OXNAD1: variants seen among roughly 807,000 people sequenced by gnomAD.
The protein encoded by OXNAD1 is oxidoreductase NAD binding domain containing 1, also known as oxidoreductase NAD-binding domain-containing protein 1.
In OXNAD1, 34 loss-of-function variants were observed where a neutral mutation model predicts 32.9. That is an observed-to-expected ratio of 1.03 (90% CI 0.79 to 1.38). OXNAD1 has a LOEUF of 1.38. Among genes scored for constraint, OXNAD1 ranks in the 40% most tolerant of loss-of-function variants. OXNAD1 has a pLI of 0.00. For synonymous variants in OXNAD1, 134 were observed against 135.2 expected, an observed-to-expected ratio of 0.99 and a Z score of 0.06; for missense variants, 407 against 379.4, an observed-to-expected ratio of 1.07 and a Z score of -0.60.
chr3:16,286,646 G>A (rs1267001103), intron 5 of OXNAD1, among the ~76,000 whole-genome samples, 198 bp downstream of exon 5: 1 of 152,194 alleles, frequency 6.6e-6, no homozygotes, highest in East Asian at 1.9e-4. Context: ...TGGGTTTTGA[G>A]CCCGTGGCTC....
Position 16,270,996 on chromosome 3 carries a change from C to A in OXNAD1, c.44C>A (p.Ser15Tyr), listed in dbSNP as rs771247111. 1 of 1,614,058 alleles carries A rather than the reference C, an allele frequency of 6.2e-7. No homozygotes were observed. The highest frequency in any genetic ancestry group is 1.3e-5 in the African/African-American group (1 of 74,926). Reference protein sequence around the residue: ...AVMIPGLLRCSVGAIRIEAAS... With the variant: ...AVMIPGLLRCYVGAIRIEAAS... ...ATGATTCCTGGGTTGTTGCGGTGCT[C>A]TGTTGGAGCCATCCGTATTGAGGCT... Residue 15 changes from serine (S) to tyrosine (Y), a missense_variant, in exon 3 of 9, where the codon TCT becomes TAT. Coordinates refer to ENST00000285083, the MANE Select transcript of OXNAD1 (RefSeq NM_138381.5).
In OXNAD1 at chr3:16,304,462, G is replaced by A. The variant is rs1330395778; in HGVS notation, c.*900G>A. On this transcript the variant is annotated 3_prime_UTR_variant, in exon 9 of 9. Coordinates refer to ENST00000285083, the MANE Select transcript of OXNAD1 (RefSeq NM_138381.5). The surrounding 1 kb of genome is among the most constrained non-coding windows in gnomAD (Gnocchi z 4.6). ...CTTAACATATAGTTGTTGAATGACTGAAAGAAAGCAACTAATGTTTTAACT... is the reference window on the plus strand; with the variant it reads ...CTTAACATATAGTTGTTGAATGACTAAAAGAAAGCAACTAATGTTTTAACT... 3.9e-5 allele frequency: 6 copies of A among 152,226 alleles called. No homozygotes were observed. The highest frequency in any genetic ancestry group is 7.3e-5 in the Non-Finnish European group (5 of 68,038). 9.4% of individuals were successfully genotyped at this position (152,226 alleles called of 1,614,324 possible).
Position 16,335,546 on chromosome 3 carries a change from G to C in OXNAD1, c.*31-1566G>C, listed in dbSNP as rs550642846. 2.5e-4 allele frequency among the ~76,000 whole-genome samples: 38 copies of C among 152,338 alleles called. No individual in the cohort carries two copies. The highest frequency in any genetic ancestry group is 9.1e-4 in the African/African-American group (38 of 41,572). On this transcript the variant is annotated intron_variant, in intron 9 of 9. Transcript: ENST00000435829. This position sits in a 1 kb window ranked among gnomAD's most constrained non-coding sequence, Gnocchi z 4.7. ...AAACACCACATGTTCTCACTTACAAGTGGGAGAGCTGAACGGTGAAAACAC... is the reference window on the plus strand; with the variant it reads ...AAACACCACATGTTCTCACTTACAACTGGGAGAGCTGAACGGTGAAAACAC...
rs1361941311 is a variant in OXNAD1 at position 16,344,463 on chromosome 3, T to C, written c.*31-4713T>C. Among the ~76,000 whole-genome samples the C allele has an allele frequency of 3.3e-5, 5 of 151,296 alleles. No individual in the cohort carries two copies. The highest frequency in any genetic ancestry group is 1.2e-4 in the African/African-American group (5 of 41,064). On this transcript the variant is annotated intron_variant, in intron 9 of 9. Coordinates refer to the OXNAD1 transcript ENST00000606098. This position sits in a 1 kb window ranked among gnomAD's most constrained non-coding sequence, Gnocchi z 4.4. ...ACTGGCATGGGTGGGTGGTCCAGAG[T>C]CTTCCCCACTCTCAGACCTGCCCTG...
At chr3:16,292,734 T>C (rs1045326825) in intron 5 of OXNAD1, among the ~76,000 whole-genome samples, 4 of 152,226 alleles carry the variant, frequency 2.6e-5, no homozygotes, top group Non-Finnish European at 4.4e-5. Flanking sequence ...ATTCATTCTT[T>C]GTATGTGGTT....
At chr3:16,319,230 TAG>T (rs2068772730) in intron 9 of OXNAD1, among the ~76,000 whole-genome samples, 1 of 152,216 alleles carries the variant, frequency 6.6e-6, no homozygotes, top group African/African-American at 2.4e-5. Context: ...CCTACCTGTG[TAG>T]TATAGTACTC....
chr3:16,270,931 TTC>T lies in OXNAD1; in HGVS notation c.-8-12_-8-11del. The T allele has an allele frequency of 6.2e-7, 1 of 1,613,710 alleles. No individual in the cohort carries two copies. Among genetic ancestry groups the T allele is most frequent in the South Asian group, 1.1e-5 (1 of 91,006 alleles). On this transcript the variant is annotated splice_polypyrimidine_tract_variant and intron_variant, in intron 2 of 8. Coordinates refer to ENST00000285083, the MANE Select transcript of OXNAD1 (RefSeq NM_138381.5). ...AAAAAAACAATTTGAAATTTCAGTT[TTC>T]TGTTTGCCCAGAAAGCGCCATGGCC...
rs555393870 is a variant in OXNAD1 at position 16,345,457 on chromosome 3, T to C, written c.*31-3719T>C. ...GTTGTGAGGGTGTTTCTGGAAAAGA[T>C]TAGCATTTGAATGGGTCAACTGAGT... On this transcript the variant is annotated intron_variant, in intron 9 of 9. Coordinates refer to the OXNAD1 transcript ENST00000606098. The surrounding 1 kb of genome is among the most constrained non-coding windows in gnomAD (Gnocchi z 5.2). 9.5e-4 allele frequency among the ~76,000 whole-genome samples: 144 copies of C among 152,290 alleles called. No individual in the cohort carries two copies. Among genetic ancestry groups the C allele is most frequent in the South Asian group, 4.4e-3 (21 of 4,822 alleles).
chr3:16,270,837 A>T (rs539053795), intron 2 of OXNAD1, 108 bp from the exon 3 acceptor site: 7 of 1,500,996 alleles, frequency 4.7e-6, no homozygotes, highest in Non-Finnish European at 6.3e-6. Context: ...TTGACTCATA[A>T]TAGCACCAAC....
rs1046351924 is a variant in OXNAD1 at position 16,303,091 on chromosome 3, A to G, written c.785-317A>G. ...ACAACTCATAATTTCCTCTGAAAGG[A>G]TTTTTATAAAACAGTTACTTCCTTT... On this transcript the variant is annotated intron_variant, in intron 8 of 8. Coordinates refer to ENST00000285083, the MANE Select transcript of OXNAD1 (RefSeq NM_138381.5). This position sits in a 1 kb window ranked among gnomAD's most constrained non-coding sequence, Gnocchi z 4.8. Among the ~76,000 whole-genome samples, 12 of 152,314 alleles carry G rather than the reference A, an allele frequency of 7.9e-5. No homozygotes were observed. Among genetic ancestry groups the G allele is most frequent in the African/African-American group, 2.9e-4 (12 of 41,570 alleles).
At chr3:16,311,484 T>C (rs1433292009) in intron 9 of OXNAD1, among the ~76,000 whole-genome samples, 1 of 152,230 alleles carries the variant, frequency 6.6e-6, no homozygotes, top group Non-Finnish European at 1.5e-5. Context: ...TTGTCTAATG[T>C]TGAATGTGTC....
intron 9 of OXNAD1, among the ~76,000 whole-genome samples, chr3:16,343,950 A>G (rs534839929): frequency 4.6e-5 from 7 of 152,320 alleles, no homozygotes; most frequent in African/African-American, 1.4e-4. Context: ...ATGACGAGCA[A>G]CTGCCTCAAA....
Position 16,280,513 on chromosome 3 carries a change from TG to T in OXNAD1, c.184-5826del, listed in dbSNP as rs1165240258. Among the ~76,000 whole-genome samples, 1 of 152,126 alleles carries T rather than the reference TG, an allele frequency of 6.6e-6. No individual in the cohort carries two copies. The highest frequency in any genetic ancestry group is 2.4e-5 in the African/African-American group (1 of 41,408). ...TCTGCTACCATTTAAATAATGTCTC[TG>T]GGTCTCGGTGTCTTTGTGTGTAAAA... On this transcript the variant is annotated intron_variant, in intron 4 of 8. Transcript: ENST00000285083. The surrounding 1 kb of genome is among the most constrained non-coding windows in gnomAD (Gnocchi z 4.5).
At position 16,303,576 on chromosome 3, in the gene OXNAD1, G is replaced by T. The variant is rs768610172; in HGVS notation, c.*14G>T. ...AAGTGGTGGTAGGAGGCAGACAAAGGCAGAAAAAATAAAGAGGTGAGATCT... is the reference window on the plus strand; with the variant it reads ...AAGTGGTGGTAGGAGGCAGACAAAGTCAGAAAAAATAAAGAGGTGAGATCT... On this transcript the variant is annotated 3_prime_UTR_variant, in exon 9 of 9. Coordinates refer to ENST00000285083, the MANE Select transcript of OXNAD1 (RefSeq NM_138381.5). The surrounding 1 kb of genome is among the most constrained non-coding windows in gnomAD (Gnocchi z 4.8). The T allele has an allele frequency of 2.1e-5, 34 of 1,610,880 alleles. No individual in the cohort carries two copies. Among genetic ancestry groups the T allele is most frequent in the Non-Finnish European group, 2.6e-5 (31 of 1,178,830 alleles).
chr3:16,339,256 A>T (rs1415663546), downstream of OXNAD1: 1 of 152,286 alleles, frequency 6.6e-6, no homozygotes, highest in East Asian at 1.9e-4. Flanking sequence ...TGTCAGTATC[A>T]TGTTGCTATG....
In OXNAD1 at chr3:16,335,776, TA is replaced by T. The variant is rs540104859; in HGVS notation, c.*31-1317del. On this transcript the variant is annotated intron_variant, in intron 9 of 9. Coordinates refer to the OXNAD1 transcript ENST00000435829. The surrounding 1 kb of genome is among the most constrained non-coding windows in gnomAD (Gnocchi z 4.7). ...ATCCTGCACTTGCACCCTGGAACTT[TA>T]AAAAAAAAAAAAAAAAAAGGAGTTT... Among the ~76,000 whole-genome samples the T allele has an allele frequency of 0.078, 10,604 of 136,586 alleles. 411 individuals are homozygous for T. The highest frequency in any genetic ancestry group is 0.16 in the East Asian group (747 of 4,640). The allele number at this position is 136,586 out of a possible 152,430, so 89.6% of individuals were successfully genotyped here.
downstream of OXNAD1, among the ~76,000 whole-genome samples, chr3:16,337,685 T>G (rs1453017245): frequency 1.4e-5 from 2 of 145,566 alleles, no homozygotes; most frequent in Non-Finnish European, 3.0e-5. The surrounding 1 kb of genome is among the most constrained non-coding windows in gnomAD (Gnocchi z 5.0). Flanking sequence ...GAGGTTGCAG[T>G]GAGCCCAGAT....
intron 9 of OXNAD1, among the ~76,000 whole-genome samples, chr3:16,347,135 T>G (rs1420723692): frequency 6.6e-6 from 1 of 152,134 alleles, no homozygotes; most frequent in Non-Finnish European, 1.5e-5. Context: ...AGTGTACAGC[T>G]CTCTGATGAA....
chr3:16,323,230 A>C, intron 9 of OXNAD1: 1 of 627,698 alleles, frequency 1.6e-6, no homozygotes, highest in Admixed American at 3.0e-5. Flanking sequence ...CTGAGATGTG[A>C]TTCGGGTTGC....
Sources: allele counts gnomAD v4.1 joint callset (sites outside exome capture counted in the v4.1 genomes callset), GRCh38; gene constraint gnomAD v4.1.1; non-coding constraint Gnocchi (gnomAD v3.1); transcripts MANE v1.5; gene names NCBI Gene and HGNC (gene_info 2026-07-23, HGNC 2026-07-21).